NBEAL1: variants seen among roughly 807,000 people sequenced by gnomAD.
NBEAL1 encodes the protein neurobeachin like 1.
In NBEAL1, 273 loss-of-function variants were observed where a neutral mutation model predicts 351.3. The ratio of observed to expected loss-of-function variants is 0.78; its 90% confidence interval spans 0.70 to 0.86. The LOEUF (loss-of-function observed/expected upper bound fraction) is 0.86, where lower values mean the gene tolerates loss of function less well. NBEAL1 is among the 40% of genes least tolerant of loss of function. The pLI is 0.00. For missense variants in NBEAL1, 2,961 were observed against 3,201.3 expected (o/e 0.92, Z 1.81); for synonymous variants, 1,050 against 1,086.4 (o/e 0.97, Z 0.66).
intron 12 of NBEAL1, among the ~76,000 whole-genome samples, chr2:203,106,612 A>G (rs1312742928): frequency 1.3e-5 from 2 of 152,046 alleles, no homozygotes; most frequent in African/African-American, 4.8e-5. Flanking sequence ...TTTTTTGTCC[A>G]TATAATAGCT....
chr2:203,174,628 C>G (rs1224767466), intron 41 of NBEAL1, among the ~76,000 whole-genome samples: 2 of 152,014 alleles, frequency 1.3e-5, no homozygotes, highest in Non-Finnish European at 2.9e-5. Context: ...TACGGTGGCT[C>G]ACACCTGTAA....
chr2:203,125,357 C>A lies in NBEAL1; in HGVS notation c.2688C>A (p.Ile896=). Reference sequence around the variant, plus strand: ...CATTATAATTTTCCCTTTAGGATATCATAAACTGCATAGGTGGGTTAAATG... The same window carrying A: ...CATTATAATTTTCCCTTTAGGATATAATAAACTGCATAGGTGGGTTAAATG... ...NKVVNWDIKD[I]INCIGGLNVL... The change falls in exon 20 of 56, where the codon ATC becomes ATA. Residue 896 remains isoleucine (I), a synonymous_variant. Coordinates refer to ENST00000683969, the MANE Select transcript of NBEAL1 (RefSeq NM_001378026.1). The A allele has an allele frequency of 6.6e-7, 1 of 1,506,740 alleles. No homozygotes were observed. The highest frequency in any genetic ancestry group is 8.8e-7 in the Non-Finnish European group (1 of 1,130,014). The allele number at this position is 1,506,740 out of a possible 1,614,324, so 93.3% of individuals were successfully genotyped here.
intron 12 of NBEAL1, among the ~76,000 whole-genome samples, chr2:203,106,434 C>T (rs1011047764): frequency 5.9e-5 from 9 of 152,124 alleles, no homozygotes; most frequent in Non-Finnish European, 1.2e-4. Context: ...GCTTTTACAA[C>T]TTTTACAGTC....
rs1373259535 is a variant in NBEAL1 at position 203,041,785 on chromosome 2, G to A, written c.72G>A (p.Lys24=). 1.9e-6 allele frequency: 3 copies of A among 1,553,076 alleles called. No homozygotes were observed. Among genetic ancestry groups the A allele is most frequent in the South Asian group, 1.2e-5 (1 of 84,290 alleles). ...YCTKKDPDYL[K]LWLDTFVSSY... is the part of the protein sequence containing the mutation. ...TTCAGAAAGATCCAGATTACCTGAAGCTGTGGTTGGACACTTTTGTTTCTA... is the reference window on the plus strand; with the variant it reads ...TTCAGAAAGATCCAGATTACCTGAAACTGTGGTTGGACACTTTTGTTTCTA... Residue 24 remains lysine, a synonymous_variant, in exon 3 of 56, where the codon AAG becomes AAA. Coordinates refer to ENST00000683969, the MANE Select transcript of NBEAL1 (RefSeq NM_001378026.1).
At chr2:203,147,048 C>T (rs1190462852) in intron 33 of NBEAL1, among the ~76,000 whole-genome samples, 15 of 152,144 alleles carry the variant, frequency 9.9e-5, no homozygotes. Flanking sequence ...AAAAATCCTA[C>T]CACTAGCTTC....
intron 35 of NBEAL1, among the ~76,000 whole-genome samples, chr2:203,152,865 C>T (rs747678415): frequency 7.9e-5 from 12 of 151,578 alleles, no homozygotes; most frequent in Non-Finnish European, 1.5e-4. Flanking sequence ...TGGTGAAACC[C>T]TGTCTCTACT....
intron 14 of NBEAL1, among the ~76,000 whole-genome samples, chr2:203,109,083 G>A (rs921519238): frequency 1.3e-5 from 2 of 152,238 alleles, no homozygotes; most frequent in African/African-American, 2.4e-5. Context: ...ATGGCCGGGT[G>A]TGGTGGCTTA....
chr2:203,209,097 T>C, intron 52 of NBEAL1, 64 bp from the exon 53 acceptor site: 1 of 1,358,358 alleles, frequency 7.4e-7, no homozygotes, highest in East Asian at 2.3e-5. Flanking sequence ...CCCACTCTAC[T>C]TTTATTCTTT....
intron 3 of NBEAL1, among the ~76,000 whole-genome samples, chr2:203,046,458 A>T (rs1421386483): frequency 6.6e-6 from 1 of 152,068 alleles, no homozygotes; most frequent in Non-Finnish European, 1.5e-5. Context: ...ACCTCAGGTG[A>T]TCCACCCGCC....
intron 36 of NBEAL1, among the ~76,000 whole-genome samples, chr2:203,164,896 T>C (rs548884134): frequency 1.7e-4 from 25 of 149,948 alleles, no homozygotes; most frequent in Middle Eastern, 6.8e-3. Context: ...AGTTTTGCTC[T>C]TGTTGCCCAG....
chr2:203,026,756 G>C (rs2060865453), intron 2 of NBEAL1, among the ~76,000 whole-genome samples: 1 of 152,190 alleles, frequency 6.6e-6, no homozygotes, highest in South Asian at 2.1e-4. Context: ...CTTGTGATCT[G>C]CCTGCCTCGG....
chr2:203,055,016 T>C (rs2061383204), intron 4 of NBEAL1, among the ~76,000 whole-genome samples: 1 of 152,214 alleles, frequency 6.6e-6, no homozygotes, highest in African/African-American at 2.4e-5. Context: ...CTGTCAGGAC[T>C]GGTAGAAGTC....
At chr2:203,084,609 G>T in intron 10 of NBEAL1, 40 bp downstream of exon 10, 1 of 1,226,944 alleles carries the variant, frequency 8.2e-7, no homozygotes, top group East Asian at 2.7e-5. Context: ...ATTTTAAGAA[G>T]CTATTTTTTG....
chr2:203,211,116 A>T lies in NBEAL1; in HGVS notation c.7934+10A>T. The T allele has an allele frequency of 6.5e-7, 1 of 1,533,764 alleles. No individual in the cohort carries two copies. The highest frequency in any genetic ancestry group is 8.8e-7 in the Non-Finnish European group (1 of 1,140,020). ...TAAGAGATCTCCACAGGTAAATAAT[A>T]AAAACTAATGAAGTATCACTTAAGA... On this transcript the variant is annotated intron_variant, in intron 54 of 55. Transcript: ENST00000683969.
chr2:203,175,318 A>G (rs749486274), intron 42 of NBEAL1, 31 bp downstream of exon 42: 26 of 1,611,124 alleles, frequency 1.6e-5, no homozygotes, highest in Middle Eastern at 1.6e-4. Flanking sequence ...CTATTTTTTT[A>G]TGACTATGTT....
At chr2:203,041,667 C>A (rs1304258223) in intron 2 of NBEAL1, 98 bp from the exon 3 acceptor site, 2 of 739,190 alleles carry the variant, frequency 2.7e-6, no homozygotes, top group African/African-American at 3.6e-5. Flanking sequence ...TTGGAGATTT[C>A]ATAGTATTGA....
chr2:203,201,329 A>G (rs2065393087), intron 49 of NBEAL1, among the ~76,000 whole-genome samples: 1 of 152,142 alleles, frequency 6.6e-6, no homozygotes, highest in South Asian at 2.1e-4. Context: ...TTTTTTGTTT[A>G]CCACTTGAGA....
At chr2:203,074,317 CTTTTTTTTT>C (rs56217945) in intron 7 of NBEAL1, among the ~76,000 whole-genome samples, 99 of 98,288 alleles carry the variant, frequency 1.0e-3, no homozygotes, top group Middle Eastern at 5.5e-3. Context: ...TTTCTTTCTT[CTTTTTTTTT>C]TTTTTTTTTT....
intron 8 of NBEAL1, among the ~76,000 whole-genome samples, chr2:203,082,015 T>C (rs556957576): frequency 7.3e-4 from 111 of 152,278 alleles, no homozygotes; most frequent in African/African-American, 2.6e-3. Flanking sequence ...AAAGCCTGAA[T>C]AGTTGAGGCT....
Sources: allele counts gnomAD v4.1 joint callset (sites outside exome capture counted in the v4.1 genomes callset), GRCh38; gene constraint gnomAD v4.1.1; transcripts MANE v1.5; gene names NCBI Gene and HGNC (gene_info 2026-07-23, HGNC 2026-07-21).